The following SH3RF1 variants were observed in gnomAD, a reference collection of about 807,000 sequenced individuals.
SH3RF1 encodes the protein SH3 domain containing ring finger 1.
A neutral mutation model predicts 74.0 loss-of-function variants in SH3RF1; 32 were observed. That is an observed-to-expected ratio of 0.43 (90% CI 0.33 to 0.58). The LOEUF (loss-of-function observed/expected upper bound fraction) is 0.58, where lower values mean the gene tolerates loss of function less well. Ranked by LOEUF, SH3RF1 falls within the 20% of genes least tolerant of loss-of-function variation. The pLI, the probability that SH3RF1 is intolerant of heterozygous loss-of-function variation, is 0.05. For synonymous variants in SH3RF1, 396 were observed against 439.6 expected, an observed-to-expected ratio of 0.90 and a Z score of 1.24; for missense variants, 954 against 1,130.9, an observed-to-expected ratio of 0.84 and a Z score of 2.24.
At chr4:169,170,820 C>T (rs1239955933) in intron 2 of SH3RF1, among the ~76,000 whole-genome samples, 3 of 152,122 alleles carry the variant, frequency 2.0e-5, no homozygotes, top group Non-Finnish European at 1.5e-5. Context: ...GCATGTGTCT[C>T]ATCTGGAAAA....
chr4:169,161,309 A>T (rs1734145648), intron 2 of SH3RF1, among the ~76,000 whole-genome samples: 1 of 152,262 alleles, frequency 6.6e-6, no homozygotes, highest in South Asian at 2.1e-4. Flanking sequence ...GTTCATTTAA[A>T]AAAATAAGTA....
At chr4:169,222,851 T>A (rs1417744630) in intron 2 of SH3RF1, among the ~76,000 whole-genome samples, 1 of 152,210 alleles carries the variant, frequency 6.6e-6, no homozygotes, top group Non-Finnish European at 1.5e-5. Context: ...ATACATGAGT[T>A]CAGCTAAGAA....
intron 4 of SH3RF1, among the ~76,000 whole-genome samples, chr4:169,148,442 T>C (rs924259612): frequency 4.6e-5 from 7 of 152,212 alleles, no homozygotes; most frequent in Admixed American, 6.5e-5. Context: ...AAATCATGTG[T>C]GTAATATCAT....
chr4:169,124,504 C>T (rs948747638), intron 6 of SH3RF1, among the ~76,000 whole-genome samples: 2 of 152,088 alleles, frequency 1.3e-5, no homozygotes, highest in Admixed American at 6.5e-5. Context: ...CTGAAAGATC[C>T]CAAAGGTTCT....
intron 2 of SH3RF1, among the ~76,000 whole-genome samples, chr4:169,174,644 C>G (rs1734388855): frequency 6.6e-6 from 1 of 152,134 alleles, no homozygotes; most frequent in Non-Finnish European, 1.5e-5. Flanking sequence ...ATGATCTCAT[C>G]TATTTCCTTC....
chr4:169,204,277 T>C (rs1730196320), intron 2 of SH3RF1, among the ~76,000 whole-genome samples: 1 of 111,122 alleles, frequency 9.0e-6, no homozygotes, highest in African/African-American at 3.2e-5. Context: ...GTGTGCATCT[T>C]CTTTTAATCA....
chr4:169,116,772 G>A (rs1733341532), intron 9 of SH3RF1, 142 bp from the exon 10 acceptor site: 1 of 1,161,206 alleles, frequency 8.6e-7, no homozygotes, highest in Non-Finnish European at 1.2e-6. Context: ...ATGGACGGTG[G>A]CCTAAAAGCA....
chr4:169,260,939 T>C (rs568167696), intron 2 of SH3RF1, among the ~76,000 whole-genome samples: 29 of 152,336 alleles, frequency 1.9e-4, no homozygotes, highest in African/African-American at 7.0e-4. Context: ...GAAATGAAAT[T>C]AAATATACAG....
At chr4:169,192,183 T>C (rs555783303) in intron 2 of SH3RF1, among the ~76,000 whole-genome samples, 2 of 151,838 alleles carry the variant, frequency 1.3e-5, no homozygotes, top group South Asian at 4.2e-4. Flanking sequence ...TACAATGAAC[T>C]CAAACAAATC....
At chr4:169,183,394 G>C (rs1734546701) in intron 2 of SH3RF1, among the ~76,000 whole-genome samples, 2 of 151,984 alleles carry the variant, frequency 1.3e-5, no homozygotes, top group African/African-American at 4.8e-5. Context: ...GATTCTCCTG[G>C]CTCAGCCTCC....
At position 169,250,964 on chromosome 4, in the gene SH3RF1, G is replaced by A. The variant is rs111932102; in HGVS notation, c.393+17856C>T. 1.7e-3 allele frequency among the ~76,000 whole-genome samples: 259 copies of A among 152,308 alleles called. 1 individual carries two copies. The highest frequency in any genetic ancestry group is 5.6e-3 in the African/African-American group (234 of 41,572). On this transcript the variant is annotated intron_variant, in intron 2 of 11. Coordinates refer to ENST00000284637, the MANE Select transcript of SH3RF1 (RefSeq NM_020870.4). ...CAAAGACTAAGTGCAAAGGCCCTAG[G>A]CTTTGGTGGTTTGATAAACAGCAAG... is the stretch of plus-strand genomic sequence containing the variant.
intron 11 of SH3RF1, among the ~76,000 whole-genome samples, chr4:169,106,474 TA>T (rs1349889521): frequency 7.1e-6 from 1 of 141,208 alleles, no homozygotes; most frequent in Non-Finnish European, 1.5e-5. Context: ...AAATTTTTAA[TA>T]AAAAAGGCAA....
intron 4 of SH3RF1, among the ~76,000 whole-genome samples, chr4:169,150,578 A>G (rs1733960067): frequency 6.6e-6 from 1 of 152,148 alleles, no homozygotes; most frequent in Admixed American, 6.5e-5. Flanking sequence ...GAACTCTTGA[A>G]CTTACTCCTC....
intron 2 of SH3RF1, among the ~76,000 whole-genome samples, chr4:169,169,648 G>A (rs1251510397): frequency 1.3e-5 from 2 of 151,988 alleles, no homozygotes; most frequent in Admixed American, 1.3e-4. Context: ...ATGGAAAACT[G>A]GTTTTGTTTA....
chr4:169,096,456 T>C lies in SH3RF1; in HGVS notation c.*63A>G. 1 of 1,554,914 alleles carries C rather than the reference T, an allele frequency of 6.4e-7. No homozygotes were observed. Among genetic ancestry groups the C allele is most frequent in the Non-Finnish European group, 8.7e-7 (1 of 1,147,464 alleles). On this transcript the variant is annotated 3_prime_UTR_variant, in exon 12 of 12. Coordinates refer to ENST00000284637, the MANE Select transcript of SH3RF1 (RefSeq NM_020870.4). ...GAAGTCCACAAATGTGCTCTTTCTG[T>C]TAAACTGCTTTGTGCTACTTTGTTG... is the stretch of plus-strand genomic sequence containing the variant.
At chr4:169,207,660 G>C (rs1338918409) in intron 2 of SH3RF1, among the ~76,000 whole-genome samples, 2 of 152,164 alleles carry the variant, frequency 1.3e-5, no homozygotes, top group Non-Finnish European at 2.9e-5. Context: ...TCCAGGTTCT[G>C]GATGCTTCGA....
intron 10 of SH3RF1, among the ~76,000 whole-genome samples, chr4:169,112,686 C>A (rs567065675): frequency 6.6e-6 from 1 of 152,138 alleles, no homozygotes; most frequent in South Asian, 2.1e-4. Context: ...AAGAGAAGAG[C>A]CCATAACAAA....
At chr4:169,231,130 T>C (rs1214254852) in intron 2 of SH3RF1, among the ~76,000 whole-genome samples, 1 of 152,200 alleles carries the variant, frequency 6.6e-6, no homozygotes, top group Non-Finnish European at 1.5e-5. Context: ...GTTGTGAGAA[T>C]TAACTGGGTT....
At chr4:169,172,133 T>A (rs1340251004) in intron 2 of SH3RF1, among the ~76,000 whole-genome samples, 1 of 152,228 alleles carries the variant, frequency 6.6e-6, no homozygotes, top group East Asian at 1.9e-4. Context: ...TGATACTGTA[T>A]GAGCCTAAGA....
Sources: allele counts gnomAD v4.1 joint callset (sites outside exome capture counted in the v4.1 genomes callset), GRCh38; gene constraint gnomAD v4.1.1; transcripts MANE v1.5; gene names NCBI Gene and HGNC (gene_info 2026-07-23, HGNC 2026-07-21).